Variants in SPG11 observed in about 807,000 individuals in gnomAD.
SPG11 encodes SPG11 vesicle trafficking associated, spatacsin.
SPG11 carries 222 observed loss-of-function variants against 274.0 expected under a neutral mutation model. That is an observed-to-expected ratio of 0.81 (90% CI 0.73 to 0.91). The LOEUF (loss-of-function observed/expected upper bound fraction) is 0.91. Ranked by LOEUF, SPG11 falls within the 40% of genes least tolerant of loss-of-function variation. SPG11 has a pLI of 0.00. For missense variants in SPG11, 3,114 were observed against 2,872.7 expected, an observed-to-expected ratio of 1.08 and a Z score of -1.92; for synonymous variants, 1,144 against 1,039.7, an observed-to-expected ratio of 1.10 and a Z score of -1.93.
In SPG11 at chr15:44,652,355, TAC is replaced by T. The variant is rs1366573670; in HGVS notation, c.870-91_870-90del. On this transcript the variant is annotated intron_variant, in intron 4 of 39. Coordinates refer to ENST00000261866, the MANE Select transcript of SPG11 (RefSeq NM_025137.4). ...ACTGCTCCTGTTAAAAATAAGAGAT[TAC>T]AGAGAAGGAATAGTACAACAAATTC... 9 of 1,383,112 alleles carry T rather than the reference TAC, an allele frequency of 6.5e-6. No individual in the cohort carries two copies. The Admixed American group carries it at 1.1e-4, about 17-fold the overall frequency. The allele number at this position is 1,383,112 out of a possible 1,614,324, so 85.7% of individuals were successfully genotyped here.
Position 44,652,220 on chromosome 15 carries a change from G to T in SPG11, c.916C>A (p.Pro306Thr). The T allele has an allele frequency of 6.2e-7, 1 of 1,614,048 alleles. No homozygotes were observed. Among genetic ancestry groups the T allele is most frequent in the Admixed American group, 1.7e-5 (1 of 60,014 alleles). ...TCTACGCCCTTAGGTCCTTGAATAGGAAGATCTTCTAGTATTCTTTCACAC... is the reference window on the plus strand; with the variant it reads ...TCTACGCCCTTAGGTCCTTGAATAGTAAGATCTTCTAGTATTCTTTCACAC... ...LLCERILEDL[P>T]IQGPKGVDED... Residue 306 changes from proline to threonine, a missense_variant, in exon 5 of 40, where the codon CCT becomes ACT. By Grantham distance (38) the Pro-to-Thr change is conservative. Coordinates refer to ENST00000261866, the MANE Select transcript of SPG11 (RefSeq NM_025137.4).
intron 34 of SPG11, 54 bp downstream of exon 34, chr15:44,570,471 A>G (rs2082398810): frequency 1.2e-6 from 2 of 1,611,830 alleles, no homozygotes; most frequent in Admixed American, 1.7e-5. Flanking sequence ...CACCCTTTCT[A>G]CTACTCTCAA....
chr15:44,596,186 A>T lies in SPG11; in HGVS notation c.4331T>A (p.Ile1444Asn). 6.2e-7 allele frequency: 1 copy of T among 1,614,204 alleles called. No individual in the cohort carries two copies. The highest frequency in any genetic ancestry group is 8.5e-7 in the Non-Finnish European group (1 of 1,180,036). Residue 1444 changes from isoleucine (I) to asparagine (N), a missense_variant, in exon 25 of 40, where the codon ATT (isoleucine) becomes AAT (asparagine). By Grantham distance (149) the Ile-to-Asn change is moderately radical. Transcript: ENST00000261866. ...SKQEMTDLFEILLQCSEEPDS... is the reference protein window; with the variant it reads ...SKQEMTDLFENLLQCSEEPDS... ...TGGCTCCTCTGAGCATTGGAGCAGAATTTCAAATAAATCGGTCATCTCTTG... is the reference window on the plus strand; with the variant it reads ...TGGCTCCTCTGAGCATTGGAGCAGATTTTCAAATAAATCGGTCATCTCTTG...
Position 44,654,914 on chromosome 15 carries a change from C to T in SPG11, c.869+2181G>A, listed in dbSNP as rs78901787. Among the ~76,000 whole-genome samples, 363 of 152,180 alleles carry T rather than the reference C, an allele frequency of 2.4e-3. 16 individuals carry two copies. In the East Asian group the frequency reaches 0.057, roughly 24 times the overall value. On this transcript the variant is annotated intron_variant, in intron 4 of 39. Transcript: ENST00000261866. The stretch of plus-strand genomic sequence containing the variant: ...CTTACGGACTGTACATGATACCATT[C>T]GAAGCCAAAGAAAATGTAAACGAAT...
At chr15:44,655,952 T>C (rs1051331781) in intron 4 of SPG11, among the ~76,000 whole-genome samples, 6 of 152,178 alleles carry the variant, frequency 3.9e-5, no homozygotes, top group Non-Finnish European at 5.9e-5. Flanking sequence ...GTATGTAATA[T>C]TTCCGGAACA....
At chr15:44,570,409 G>T in intron 34 of SPG11, 116 bp downstream of exon 34, 3 of 1,298,446 alleles carry the variant, frequency 2.3e-6, no homozygotes, top group Admixed American at 2.1e-5. Flanking sequence ...GTAGGTAGTG[G>T]TATCCAGATG....
chr15:44,663,229 G>A (rs1221155392), intron 1 of SPG11, among the ~76,000 whole-genome samples, 162 bp downstream of exon 1: 1 of 152,242 alleles, frequency 6.6e-6, no homozygotes, highest in South Asian at 2.1e-4. Context: ...GAAAGGTTCT[G>A]TGAGGAAACC....
rs768432667 is a variant in SPG11 at position 44,585,633 on chromosome 15, T to C, written c.5121+3A>G. ...AAAAAAAAAAAAAAAAGACCGATGA[T>C]ACCTCTTTAATAACCAAGTTGTCCA... On this transcript the variant is annotated splice_donor_region_variant and intron_variant, in intron 29 of 39. Transcript: ENST00000261866. The C allele has an allele frequency of 2.3e-6, 3 of 1,326,100 alleles. No homozygotes were observed. The South Asian group carries it at 3.5e-5, about 16-fold the overall frequency. The allele number at this position is 1,326,100 out of a possible 1,614,324, so 82.1% of individuals were successfully genotyped here.
At chr15:44,577,867 G>GCT (rs1243122216) in intron 30 of SPG11, among the ~76,000 whole-genome samples, 1 of 152,098 alleles carries the variant, frequency 6.6e-6, no homozygotes, top group Non-Finnish European at 1.5e-5. Context: ...AATTCCAGAA[G>GCT]CTCTCTAGTA....
chr15:44,568,983 C>G (rs534376317), intron 35 of SPG11, among the ~76,000 whole-genome samples: 4 of 151,644 alleles, frequency 2.6e-5, no homozygotes, highest in Non-Finnish European at 5.9e-5. Flanking sequence ...ACTAGCCTGA[C>G]CAACATGGAT....
At chr15:44,571,547 G>T (rs2082425903) in intron 33 of SPG11, among the ~76,000 whole-genome samples, 1 of 148,796 alleles carries the variant, frequency 6.7e-6, no homozygotes, top group Admixed American at 6.7e-5. Context: ...GCCCAGGCTG[G>T]AGTGCAGCGG....
chr15:44,587,718 A>AAAAAAAAAAAAAAAAC lies in SPG11; in HGVS notation c.4906+1533_4906+1534insGTTTTTTTTTTTTTTT, dbSNP rs1567141736. Reference sequence around the variant, plus strand: ...CAAAAAAAAAAAAAAAAAAAAAAAAAAACGTATTCCTGTTCTCTAAGCAAA... The same window carrying AAAAAAAAAAAAAAAAC: ...CAAAAAAAAAAAAAAAAAAAAAAAAAAAAAAAAAAAAAAAACAACGTATTCCTGTTCTCTAAGCAAA... On this transcript the variant is annotated intron_variant, in intron 28 of 39. Coordinates refer to ENST00000261866, the MANE Select transcript of SPG11 (RefSeq NM_025137.4). Among the ~76,000 whole-genome samples, 71 of 148,712 alleles carry AAAAAAAAAAAAAAAAC rather than the reference A, an allele frequency of 4.8e-4. 2 individuals carry two copies. The highest frequency in any genetic ancestry group is 1.8e-3 in the African/African-American group (70 of 38,958).
intron 15 of SPG11, among the ~76,000 whole-genome samples, chr15:44,617,088 T>C (rs1411605377): frequency 6.6e-6 from 1 of 152,216 alleles, no homozygotes; most frequent in Non-Finnish European, 1.5e-5. Flanking sequence ...GAGACCCCAG[T>C]GTCCTCAGAC....
intron 39 of SPG11, 143 bp downstream of exon 39, chr15:44,564,404 T>A: frequency 5.2e-6 from 4 of 770,576 alleles, no homozygotes; most frequent in Non-Finnish European, 6.4e-6. Context: ...AAAGACTTCC[T>A]TCTAAGGATT....
rs568421183 is a variant in SPG11, at chr15:44,660,496, A to G, written c.378T>C (p.Asp126=). The change falls in exon 2 of 40, where the codon GAT becomes GAC. Residue 126 remains aspartate (D), a synonymous_variant. Coordinates refer to ENST00000261866, the MANE Select transcript of SPG11 (RefSeq NM_025137.4). The part of the protein sequence containing the change: ...YEFNLKDGRC[D]ATILYSCSRE... Reference sequence around the variant, plus strand: ...TACTACAGCTATACAAAATGGTTGCATCACATCTTCCATCTTTCAAATTAA... The same window carrying G: ...TACTACAGCTATACAAAATGGTTGCGTCACATCTTCCATCTTTCAAATTAA... The G allele has an allele frequency of 1.1e-5, 18 of 1,614,194 alleles. No homozygotes were observed. The African/African-American group carries it at 2.4e-4, about 22-fold the overall frequency.
chr15:44,612,707 C>T (rs2083492533), intron 17 of SPG11, among the ~76,000 whole-genome samples: 2 of 152,064 alleles, frequency 1.3e-5, no homozygotes, highest in Non-Finnish European at 2.9e-5. Flanking sequence ...GTATTACCTT[C>T]TTGATAGTTG....
intron 36 of SPG11, among the ~76,000 whole-genome samples, chr15:44,566,587 C>T (rs921105913): frequency 1.3e-5 from 2 of 152,132 alleles, no homozygotes; most frequent in African/African-American, 4.8e-5. Flanking sequence ...GTGGATGATA[C>T]CCTGGATATA....
At position 44,622,283 on chromosome 15, in the gene SPG11, T is replaced by G. The variant is rs745484845; in HGVS notation, c.2381A>C (p.His794Pro). 5.6e-6 allele frequency: 9 copies of G among 1,599,844 alleles called. No homozygotes were observed. Among genetic ancestry groups the G allele is most frequent in the Non-Finnish European group, 7.7e-6 (9 of 1,167,398 alleles). ...TCCCAAATAAAGCTTCTCAACTTGA[T>G]GCACGAAGTCTATAGTTCTTTTCTC... is the stretch of plus-strand genomic sequence containing the variant. ...EKEKRTIDFV[H>P]QVEKLYLGHF... The change falls in exon 13 of 40, where the codon CAT becomes CCT. Residue 794 changes from histidine (H) to proline (P), a missense_variant. By Grantham distance (77) the His-to-Pro change is moderately conservative. Transcript: ENST00000261866.
chr15:44,640,268 A>C (rs1028279266), intron 7 of SPG11, among the ~76,000 whole-genome samples: 5 of 152,190 alleles, frequency 3.3e-5, no homozygotes, highest in Non-Finnish European at 7.3e-5. Context: ...TTAAATATAC[A>C]CACAACACAC....
Sources: gnomAD v4.1 joint callset for allele counts (sites outside exome capture counted in the v4.1 genomes callset) on GRCh38, gnomAD v4.1.1 for gene constraint, MANE v1.5 for transcripts, NCBI Gene and HGNC (gene_info 2026-07-23, HGNC 2026-07-21) for gene names.